RIMS2: variants seen among roughly 807,000 people sequenced by gnomAD.
RIMS2 encodes regulating synaptic membrane exocytosis protein 2.
In RIMS2, 59 loss-of-function variants were observed where a neutral mutation model predicts 174.4. The ratio of observed to expected loss-of-function variants is 0.34; its 90% CI spans 0.27 to 0.42. The LOEUF (loss-of-function observed/expected upper bound fraction) is 0.42, where lower values mean the gene tolerates loss of function less well. Among genes scored for constraint, RIMS2 ranks in the 10% least tolerant of loss-of-function variants. The pLI is 1.00. For missense variants in RIMS2, 1,620 were observed against 1,666.3 expected (o/e 0.97, Z 0.48); for synonymous variants, 606 against 572.5 (o/e 1.06, Z -0.84).
intron 19 of RIMS2, among the ~76,000 whole-genome samples, chr8:104,168,757 C>T (rs4374956): frequency 0.43 from 65,750 of 151,844 alleles, 14,715 homozygotes; most frequent in East Asian, 0.63. Flanking sequence ...AACTTTTCCA[C>T]GTTCAGTATG....
In RIMS2 at chr8:103,975,469, A is replaced by G. The variant is rs771305162; in HGVS notation, c.2890A>G (p.Thr964Ala). 6.2e-7 allele frequency: 1 copy of G among 1,613,406 alleles called. No individual in the cohort carries two copies. The highest frequency in any genetic ancestry group is 8.5e-7 in the Non-Finnish European group (1 of 1,179,350). ...TCATCGAGTAGATGTTATAGGAAGG[A>G]CTAGATCATGGTCACCCAGTGTCCC... Residue 964 changes from threonine (T) to alanine (A), a missense_variant, in exon 16 of 24, where the codon ACT becomes GCT. Physicochemically the swap from Thr to Ala is moderately conservative, Grantham distance 58. Around this residue, in one of 2 missense-constraint regions of RIMS2, gnomAD observed 1,395 missense variants for 1,360.1 expected, o/e 1.03. Coordinates refer to ENST00000504942, the Ensembl canonical transcript of RIMS2.
At chr8:103,984,890 T>A (rs1192566969) in intron 16 of RIMS2, among the ~76,000 whole-genome samples, 5 of 152,146 alleles carry the variant, frequency 3.3e-5, no homozygotes, top group African/African-American at 1.2e-4. Context: ...TGTAACAACA[T>A]GGATGGAACT....
At chr8:104,030,257 G>A (rs535916679) in intron 19 of RIMS2, among the ~76,000 whole-genome samples, 3 of 152,162 alleles carry the variant, frequency 2.0e-5, no homozygotes, top group South Asian at 2.1e-4. Flanking sequence ...AAGCTGAAGC[G>A]GGAGGATAAC....
At chr8:104,009,698 T>C (rs2095696285) in intron 17 of RIMS2, among the ~76,000 whole-genome samples, 1 of 152,186 alleles carries the variant, frequency 6.6e-6, no homozygotes, top group Non-Finnish European at 1.5e-5. Context: ...ATCCAATTTT[T>C]TTAAATTTAA....
chr8:104,158,098 C>T (rs1444497383), intron 19 of RIMS2, among the ~76,000 whole-genome samples: 1 of 152,174 alleles, frequency 6.6e-6, no homozygotes, highest in African/African-American at 2.4e-5. Context: ...CTCCTTGTAT[C>T]CATATGTTCT....
chr8:104,072,976 ACT>A (rs1026391142), intron 19 of RIMS2, among the ~76,000 whole-genome samples: 38 of 152,032 alleles, frequency 2.5e-4, no homozygotes, highest in Non-Finnish European at 7.4e-5. Flanking sequence ...TACTCAATGT[ACT>A]CTTGCATGCT....
At chr8:103,992,851 C>T (rs796336527) in intron 17 of RIMS2, among the ~76,000 whole-genome samples, 1 of 152,254 alleles carries the variant, frequency 6.6e-6, no homozygotes, top group African/African-American at 2.4e-5. Context: ...ACTTCCATTC[C>T]ACCGCTTTTT....
intron 1 of RIMS2, among the ~76,000 whole-genome samples, chr8:103,556,639 C>A (rs909198237): frequency 1.3e-5 from 2 of 152,072 alleles, no homozygotes; most frequent in African/African-American, 4.8e-5. Flanking sequence ...AATGCTGTGT[C>A]GAGATCAATT....
chr8:103,740,497 T>C (rs1279586224), intron 2 of RIMS2, among the ~76,000 whole-genome samples: 2 of 152,108 alleles, frequency 1.3e-5, no homozygotes, highest in African/African-American at 4.8e-5. Context: ...TGGTTATAGA[T>C]TGGGGAACTT....
chr8:103,596,466 C>A (rs940388244), intron 1 of RIMS2, among the ~76,000 whole-genome samples: 13 of 151,934 alleles, frequency 8.6e-5, no homozygotes, highest in African/African-American at 3.1e-4. Flanking sequence ...GCTGAATTAC[C>A]ATGTGGTGAA....
intron 19 of RIMS2, among the ~76,000 whole-genome samples, chr8:104,067,698 T>C (rs1006257194): frequency 3.3e-5 from 5 of 152,138 alleles, no homozygotes; most frequent in Admixed American, 2.6e-4. Flanking sequence ...GCCCCATAAA[T>C]ATACTTCCAA....
At chr8:103,698,211 C>T (rs2097129363) in intron 2 of RIMS2, among the ~76,000 whole-genome samples, 1 of 151,958 alleles carries the variant, frequency 6.6e-6, no homozygotes, top group Non-Finnish European at 1.5e-5. Flanking sequence ...TAATTGTTTC[C>T]CCTGGATTAC....
intron 19 of RIMS2, among the ~76,000 whole-genome samples, chr8:104,025,045 G>A: frequency 6.6e-6 from 1 of 152,136 alleles, no homozygotes; most frequent in East Asian, 1.9e-4. Context: ...GTAGGAAAAA[G>A]GATGCTGAAA....
At chr8:103,985,600 G>A (rs1243669559) in intron 16 of RIMS2, among the ~76,000 whole-genome samples, 1 of 148,890 alleles carries the variant, frequency 6.7e-6, no homozygotes, top group Non-Finnish European at 1.5e-5. Flanking sequence ...TATATCTCCT[G>A]TACTCCATAA....
chr8:103,757,720 GCCCTAAATGCAAT>G (rs2098043422), intron 2 of RIMS2, among the ~76,000 whole-genome samples: 1 of 152,142 alleles, frequency 6.6e-6, no homozygotes, highest in South Asian at 2.1e-4. Flanking sequence ...ATGCAGGTTG[GCCCTAAATGCAAT>G]CCCTTGTATC....
At chr8:104,042,837 C>T (rs1472417841) in intron 19 of RIMS2, among the ~76,000 whole-genome samples, 1 of 151,446 alleles carries the variant, frequency 6.6e-6, no homozygotes, top group Non-Finnish European at 1.5e-5. Flanking sequence ...AGCATATCAG[C>T]ATTCAAGTGA....
Position 104,144,058 on chromosome 8 carries a change from A to G in RIMS2, c.3335-100858A>G, listed in dbSNP as rs1340428589. Among the ~76,000 whole-genome samples the G allele has an allele frequency of 2.0e-5, 3 of 152,090 alleles. No individual in the cohort carries two copies. The East Asian group carries it at 5.8e-4, about 29-fold the overall frequency. ...AATCACATCTTCCAATAATCCCTATATGCTATTTATGTATTTGGGGAATAC... is the reference window on the plus strand; with the variant it reads ...AATCACATCTTCCAATAATCCCTATGTGCTATTTATGTATTTGGGGAATAC... On this transcript the variant is annotated intron_variant, in intron 19 of 23. Coordinates refer to ENST00000504942, the Ensembl canonical transcript of RIMS2.
At chr8:104,152,406 T>G (rs1010310756) in intron 19 of RIMS2, among the ~76,000 whole-genome samples, 3 of 152,144 alleles carry the variant, frequency 2.0e-5, no homozygotes, top group African/African-American at 7.2e-5. Context: ...AGCCCAAGTT[T>G]AACTGTAGCA....
intron 19 of RIMS2, among the ~76,000 whole-genome samples, chr8:104,077,234 G>A (rs530973769): frequency 9.2e-5 from 14 of 152,028 alleles, no homozygotes; most frequent in Non-Finnish European, 1.9e-4. Flanking sequence ...TGTGGTCGTG[G>A]TGGTGGTGGT....
Sources: allele counts gnomAD v4.1 joint callset (sites outside exome capture counted in the v4.1 genomes callset), GRCh38; gene constraint gnomAD v4.1.1; regional missense constraint gnomAD v4.1.1; transcripts MANE v1.5; gene names NCBI Gene and HGNC (gene_info 2026-07-23, HGNC 2026-07-21).